EBF1: variants seen among roughly 807,000 people sequenced by gnomAD.
EBF1 encodes EBF transcription factor 1.
In EBF1, 10 loss-of-function variants were observed where a neutral mutation model predicts 68.4. The ratio of observed to expected loss-of-function variants is 0.15; its 90% CI spans 0.09 to 0.25. The LOEUF is 0.25. EBF1 is among the 10% of genes least tolerant of loss of function. The pLI, the probability that EBF1 is intolerant of heterozygous loss-of-function variation, is 1.00. For synonymous variants in EBF1, 298 were observed against 299.8 expected (o/e 0.99, Z 0.06); for missense variants, 509 against 794.4 (o/e 0.64, Z 4.32).
At chr5:159,024,810 C>G in intron 6 of EBF1, among the ~76,000 whole-genome samples, 1 of 152,188 alleles carries the variant, frequency 6.6e-6, no homozygotes, top group East Asian at 1.9e-4. Context: ...TTCTCCATAG[C>G]CATTGAGTCT....
intron 8 of EBF1, among the ~76,000 whole-genome samples, chr5:158,822,573 C>G (rs1032189961): frequency 6.6e-6 from 1 of 152,158 alleles, no homozygotes; most frequent in Non-Finnish European, 1.5e-5. Context: ...TACTTACAGA[C>G]AGCAAGTTCT....
intron 6 of EBF1, among the ~76,000 whole-genome samples, chr5:158,942,994 G>A (rs1170209031): frequency 1.6e-5 from 2 of 127,414 alleles, no homozygotes; most frequent in East Asian, 2.6e-4. Context: ...AGAGAGGAAG[G>A]GAGGAAGGGA....
chr5:159,065,024 T>C lies in EBF1; in HGVS notation c.554+8372A>G, dbSNP rs193150176. ...ATAGTTCTTCAAATTAACTTTCCAT[T>C]CTGTGAGGGGGCTTCAGCCAATAGT... On this transcript the variant is annotated intron_variant, in intron 6 of 15. Coordinates refer to ENST00000313708, the MANE Select transcript of EBF1 (RefSeq NM_024007.5). Among the ~76,000 whole-genome samples, 223 of 151,396 alleles carry C rather than the reference T, an allele frequency of 1.5e-3. 2 individuals carry two copies. Among genetic ancestry groups the C allele is most frequent in the African/African-American group, 5.0e-3 (208 of 41,220 alleles).
intron 6 of EBF1, among the ~76,000 whole-genome samples, chr5:158,922,006 C>A (rs978031208): frequency 1.3e-5 from 2 of 152,172 alleles, no homozygotes; most frequent in African/African-American, 4.8e-5. Flanking sequence ...AGACAGACAG[C>A]GAAAACTCCT....
chr5:158,948,547 G>A (rs1375712036), intron 6 of EBF1, among the ~76,000 whole-genome samples: 1 of 152,104 alleles, frequency 6.6e-6, no homozygotes, highest in Non-Finnish European at 1.5e-5. Flanking sequence ...TGAAAGGGGA[G>A]AGCCAAATTT....
chr5:158,920,892 A>C (rs1325551284), intron 6 of EBF1, among the ~76,000 whole-genome samples: 1 of 152,224 alleles, frequency 6.6e-6, no homozygotes, highest in Non-Finnish European at 1.5e-5. Context: ...GGATGCCATG[A>C]ATATGGAAGT....
chr5:159,031,169 G>A lies in EBF1; in HGVS notation c.554+42227C>T, dbSNP rs188934670. Among the ~76,000 whole-genome samples, 846 of 150,990 alleles carry A rather than the reference G, an allele frequency of 5.6e-3. 18 individuals are homozygous for A. The highest frequency in any genetic ancestry group is 0.02 in the African/African-American group (819 of 40,398). On this transcript the variant is annotated intron_variant, in intron 6 of 15. Transcript: ENST00000313708. ...AACCTGGGCTACAGAGCGAGACTTCGTCTCAAAAAAAAAGAAAAGAAAAGA... is the reference window on the plus strand; with the variant it reads ...AACCTGGGCTACAGAGCGAGACTTCATCTCAAAAAAAAAGAAAAGAAAAGA...
chr5:158,991,205 G>T (rs960864335), intron 6 of EBF1, among the ~76,000 whole-genome samples: 4 of 152,168 alleles, frequency 2.6e-5, no homozygotes, highest in African/African-American at 7.2e-5. Flanking sequence ...GTTCCACAGA[G>T]CACAATGCCT....
At chr5:158,761,215 C>G (rs191031957) in intron 10 of EBF1, among the ~76,000 whole-genome samples, 12 of 152,308 alleles carry the variant, frequency 7.9e-5, no homozygotes, top group Admixed American at 1.3e-4. Context: ...GGAGATAACT[C>G]TATGCACCTT....
chr5:158,840,304 C>A (rs1789930580), intron 6 of EBF1, among the ~76,000 whole-genome samples, 194 bp from the exon 7 acceptor site: 1 of 152,158 alleles, frequency 6.6e-6, no homozygotes, highest in African/African-American at 2.4e-5. Flanking sequence ...TTCCTTATGA[C>A]ACAAACACTG....
At chr5:158,949,243 A>G (rs1815481759) in intron 6 of EBF1, among the ~76,000 whole-genome samples, 1 of 152,212 alleles carries the variant, frequency 6.6e-6, no homozygotes, top group Admixed American at 6.5e-5. Context: ...ATCAATCCAC[A>G]AAAGCATTTG....
chr5:158,878,777 G>A (rs1373399483), intron 6 of EBF1, among the ~76,000 whole-genome samples: 2 of 151,868 alleles, frequency 1.3e-5, no homozygotes, highest in East Asian at 1.9e-4. Context: ...CTGAGTAGCT[G>A]GGATTACAGG....
At chr5:158,716,323 C>T (rs192534818) in intron 11 of EBF1, among the ~76,000 whole-genome samples, 203 of 152,144 alleles carry the variant, frequency 1.3e-3, no homozygotes, top group Non-Finnish European at 2.4e-3. Context: ...GAATAAAACA[C>T]GTGGATCTTG....
At chr5:158,995,250 T>C in intron 6 of EBF1, among the ~76,000 whole-genome samples, 1 of 152,226 alleles carries the variant, frequency 6.6e-6, no homozygotes, top group East Asian at 1.9e-4. Context: ...CTTGGATTCT[T>C]ACTAGTGGCA....
intron 6 of EBF1, among the ~76,000 whole-genome samples, chr5:158,967,011 G>T (rs1754302762): frequency 1.3e-5 from 2 of 151,280 alleles, no homozygotes; most frequent in Admixed American, 6.6e-5. Context: ...GTAACCCCAG[G>T]TTCATCAGAG....
chr5:158,955,192 G>A (rs930049103), intron 6 of EBF1, among the ~76,000 whole-genome samples: 3 of 152,082 alleles, frequency 2.0e-5, no homozygotes, highest in East Asian at 3.9e-4. Context: ...GAGTGGTGGC[G>A]GGCACCTGTA....
chr5:158,879,501 A>G (rs1359746085), intron 6 of EBF1, among the ~76,000 whole-genome samples: 1 of 152,206 alleles, frequency 6.6e-6, no homozygotes, highest in Non-Finnish European at 1.5e-5. Context: ...TATAGAAAAG[A>G]GCATTGTGTG....
chr5:158,712,023 A>G, intron 14 of EBF1, 131 bp downstream of exon 14: 4 of 1,077,958 alleles, frequency 3.7e-6, no homozygotes, highest in Non-Finnish European at 5.4e-6. Context: ...ACCATCACCC[A>G]GGGGAGTGCC....
chr5:158,784,295 T>C (rs1164090203), intron 9 of EBF1, among the ~76,000 whole-genome samples: 1 of 152,226 alleles, frequency 6.6e-6, no homozygotes, highest in Non-Finnish European at 1.5e-5. Flanking sequence ...ACCATCATTA[T>C]ACAACCATGA....
Sources: allele counts gnomAD v4.1 joint callset (sites outside exome capture counted in the v4.1 genomes callset), GRCh38; gene constraint gnomAD v4.1.1; transcripts MANE v1.5; gene names NCBI Gene and HGNC (gene_info 2026-07-23, HGNC 2026-07-21).